The following FNBP1 variants were observed in gnomAD, a reference collection of about 807,000 sequenced individuals.
The protein encoded by FNBP1 is formin-binding protein 1.
A neutral mutation model predicts 90.6 loss-of-function variants in FNBP1; 26 were observed. The observed-to-expected ratio is 0.29, with a 90% confidence interval of 0.21 to 0.40. The LOEUF is 0.40. FNBP1 is among the 10% of genes least tolerant of loss of function. The pLI is 1.00. For synonymous variants in FNBP1, 260 were observed against 265.2 expected (o/e 0.98, Z 0.19); for missense variants, 635 against 768.0 (o/e 0.83, Z 2.05).
the FNBP1 span, chr9:130,053,646 G>A: frequency 6.3e-6 from 3 of 475,596 alleles, no homozygotes; most frequent in Non-Finnish European, 1.1e-5. Context: ...TCAGCGAGGC[G>A]GAGGTGCGGC....
At chr9:129,955,781 A>G (rs906500292) in intron 6 of FNBP1, among the ~76,000 whole-genome samples, 7 of 151,430 alleles carry the variant, frequency 4.6e-5, no homozygotes, top group African/African-American at 1.7e-4. Context: ...TAAAATAAAA[A>G]GAGACCATAT....
chr9:129,898,157 T>C (rs2036145096), intron 15 of FNBP1, among the ~76,000 whole-genome samples: 2 of 152,082 alleles, frequency 1.3e-5, no homozygotes, highest in Admixed American at 6.5e-5. Flanking sequence ...CCATCCTCCA[T>C]GTCTTCCAGT....
chr9:130,006,534 G>T (rs2055729522), intron 1 of FNBP1, among the ~76,000 whole-genome samples: 1 of 151,786 alleles, frequency 6.6e-6, no homozygotes, highest in Non-Finnish European at 1.5e-5. Flanking sequence ...GCCAAGCATG[G>T]TGGCAGGCGC....
intron 2 of FNBP1, among the ~76,000 whole-genome samples, chr9:129,985,246 A>C (rs2051968271): frequency 6.6e-6 from 1 of 152,138 alleles, no homozygotes; most frequent in Non-Finnish European, 1.5e-5. Flanking sequence ...CCATCAGAGC[A>C]GACAGGGCAC....
chr9:129,938,732 T>C (rs1457581370), intron 6 of FNBP1, among the ~76,000 whole-genome samples: 6 of 152,148 alleles, frequency 3.9e-5, no homozygotes, highest in Non-Finnish European at 8.8e-5. Flanking sequence ...GGTTGCCTTA[T>C]TTGAAATATC....
At chr9:129,906,917 T>C (rs1254555978) in intron 12 of FNBP1, among the ~76,000 whole-genome samples, 1 of 152,096 alleles carries the variant, frequency 6.6e-6, no homozygotes, top group Admixed American at 6.6e-5. Flanking sequence ...GTAGCTGGGA[T>C]TACAGGCACA....
chr9:130,038,318 C>T (rs2059516542), intron 1 of FNBP1, among the ~76,000 whole-genome samples: 1 of 146,888 alleles, frequency 6.8e-6, no homozygotes, highest in Non-Finnish European at 1.5e-5. Context: ...TCGTGCGACC[C>T]ACTGCACTCC....
intron 12 of FNBP1, among the ~76,000 whole-genome samples, chr9:129,906,449 G>A (rs867763690): frequency 2.0e-5 from 3 of 151,994 alleles, no homozygotes; most frequent in Admixed American, 6.6e-5. Context: ...TCATGGGGGC[G>A]GTTTTTCCCA....
chr9:129,892,403 AC>A (rs1564242522), intron 16 of FNBP1, among the ~76,000 whole-genome samples: 91 of 147,704 alleles, frequency 6.2e-4, no homozygotes, highest in East Asian at 1.0e-3. Flanking sequence ...ACACACACAC[AC>A]ACACACACAC....
At chr9:129,965,727 G>C (rs1340237612) in intron 4 of FNBP1, among the ~76,000 whole-genome samples, 7 of 108,296 alleles carry the variant, frequency 6.5e-5, no homozygotes, top group African/African-American at 2.1e-4. Flanking sequence ...CACACACATA[G>C]AAAGAAAAAG....
At chr9:129,981,406 G>A (rs1235729021) in intron 2 of FNBP1, among the ~76,000 whole-genome samples, 5 of 152,186 alleles carry the variant, frequency 3.3e-5, no homozygotes, top group African/African-American at 1.2e-4. Flanking sequence ...GTAATCCACA[G>A]TAGGAACTCC....
intron 13 of FNBP1, among the ~76,000 whole-genome samples, chr9:129,902,049 C>T (rs1453255218): frequency 6.6e-6 from 1 of 152,092 alleles, no homozygotes; most frequent in East Asian, 1.9e-4. Flanking sequence ...GTTCAGGAGG[C>T]TTTTGTTGAC....
intron 6 of FNBP1, among the ~76,000 whole-genome samples, chr9:129,950,221 A>C (rs190957721): frequency 7.3e-4 from 111 of 152,354 alleles, no homozygotes; most frequent in African/African-American, 2.6e-3. Context: ...GGGAAATTAC[A>C]GTGTTTCAAG....
At chr9:130,021,719 A>G (rs1240625780) in intron 1 of FNBP1, among the ~76,000 whole-genome samples, 1 of 152,220 alleles carries the variant, frequency 6.6e-6, no homozygotes, top group Non-Finnish European at 1.5e-5. Flanking sequence ...TACTCAGGAG[A>G]AAATTTATAG....
At chr9:129,975,403 C>T (rs899213316) in intron 4 of FNBP1, among the ~76,000 whole-genome samples, 2 of 152,160 alleles carry the variant, frequency 1.3e-5, no homozygotes, top group African/African-American at 2.4e-5. Context: ...GAAACCTGTA[C>T]TTGCAGTTCT....
intron 12 of FNBP1, among the ~76,000 whole-genome samples, chr9:129,906,047 C>T (rs1014568877): frequency 3.9e-5 from 6 of 151,924 alleles, no homozygotes; most frequent in Non-Finnish European, 7.4e-5. Context: ...CCACGCCTGG[C>T]TAATTTTGTA....
intron 1 of FNBP1, among the ~76,000 whole-genome samples, chr9:130,001,324 C>CA (rs748630037): frequency 2.8e-4 from 3 of 10,890 alleles, no homozygotes; most frequent in Non-Finnish European, 9.3e-4. Context: ...AAAAACAAAA[C>CA]AAAACAAAAA....
the FNBP1 span, among the ~76,000 whole-genome samples, chr9:130,050,201 GA>G: frequency 2.0e-5 from 3 of 152,108 alleles, no homozygotes; most frequent in African/African-American, 7.2e-5. Context: ...CAATCAACTG[GA>G]AAAAGTGGAG....
At chr9:129,899,877 G>A (rs1588378299) in intron 15 of FNBP1, 88 bp downstream of exon 15, 2 of 1,095,140 alleles carry the variant, frequency 1.8e-6, no homozygotes, top group South Asian at 4.4e-5. Flanking sequence ...ATGATCAGAA[G>A]GAAGGAAGGA....
Sources: gnomAD v4.1 joint callset for allele counts (sites outside exome capture counted in the v4.1 genomes callset) on GRCh38, gnomAD v4.1.1 for gene constraint, MANE v1.5 for transcripts, NCBI Gene and HGNC (gene_info 2026-07-23, HGNC 2026-07-21) for gene names.